Variants in GRM1 observed in about 807,000 individuals in gnomAD.
GRM1 encodes glutamate metabotropic receptor 1, also known as metabotropic glutamate receptor 1.
Under a neutral mutation model 90.9 loss-of-function variants are expected in GRM1, and 33 were observed. That is an observed-to-expected ratio of 0.36 (90% CI 0.28 to 0.49). The LOEUF (loss-of-function observed/expected upper bound fraction) is 0.49, where lower values mean the gene tolerates loss of function less well. GRM1 is among the 20% of genes least tolerant of loss of function. The pLI is 0.99. For synonymous variants in GRM1, 700 were observed against 613.2 expected, an observed-to-expected ratio of 1.14 and a Z score of -2.09; for missense variants, 1,190 against 1,534.3, an observed-to-expected ratio of 0.78 and a Z score of 3.75.
At chr6:146,357,870 G>A (rs1785650508) in intron 5 of GRM1, among the ~76,000 whole-genome samples, 176 bp downstream of exon 5, 1 of 152,202 alleles carries the variant, frequency 6.6e-6, no homozygotes, top group African/African-American at 2.4e-5. Context: ...AGGAAACAGA[G>A]TGAGTAAACT....
rs564428059 is a variant in GRM1, at chr6:146,357,623, A to C, written c.1531A>C (p.Lys511Gln). 6.2e-7 allele frequency: 1 copy of C among 1,614,092 alleles called. No homozygotes were observed. The highest frequency in any genetic ancestry group is 8.5e-7 in the Non-Finnish European group (1 of 1,179,924). The change falls in exon 5 of 8, where the codon AAA (lysine) becomes CAA (glutamine). Residue 511 changes from lysine to glutamine, a missense_variant. By Grantham distance (53) the Lys-to-Gln change is moderately conservative (BLOSUM62 1). Coordinates refer to ENST00000282753, the MANE Select transcript of GRM1 (RefSeq NM_001278064.2). ...HEGVLNIDDY[K>Q]IQMNKSGVVR... ...AGGAGTGCTGAACATTGATGATTAC[A>C]AAATCCAGATGAACAAGAGTGGAGT... is the stretch of plus-strand genomic sequence containing the variant.
intron 3 of GRM1, among the ~76,000 whole-genome samples, chr6:146,348,553 G>T (rs909629386): frequency 1.3e-5 from 2 of 152,214 alleles, no homozygotes; most frequent in Admixed American, 6.5e-5. Context: ...ACTCACTTCA[G>T]ATGGACACAA....
chr6:146,373,084 T>A (rs574019746), intron 5 of GRM1, among the ~76,000 whole-genome samples: 4 of 152,176 alleles, frequency 2.6e-5, no homozygotes, highest in Non-Finnish European at 5.9e-5. Context: ...TATTGGTTTA[T>A]TCTAATCAAT....
rs1777075628 is a variant in GRM1 at position 146,399,443 on chromosome 6, G to A, written c.2404G>A (p.Val802Met). 6.2e-7 allele frequency: 1 copy of A among 1,614,044 alleles called. No homozygotes were observed. Among genetic ancestry groups the A allele is most frequent in the Non-Finnish European group, 8.5e-7 (1 of 1,180,046 alleles). The change falls in exon 7 of 8, where the codon GTG becomes ATG. Residue 802 changes from valine (V) to methionine (M), a missense_variant. This residue lies in a region of GRM1 where 73 missense variants were observed against 150.6 expected (regional missense o/e 0.48). Transcript: ENST00000282753. This position sits in a 1 kb window ranked among gnomAD's most constrained non-coding sequence, Gnocchi z 5.4. ...CACCTGTATCATCTGGCTAGCTTTT[G>A]TGCCCATTTACTTTGGGAGCAACTA... ...YTTCIIWLAF[V>M]PIYFGSNYKI...
intron 3 of GRM1, among the ~76,000 whole-genome samples, chr6:146,312,600 C>T (rs1783816212): frequency 6.6e-6 from 1 of 152,066 alleles, no homozygotes; most frequent in Admixed American, 6.5e-5. Context: ...TTAGTGACTA[C>T]CATATTGGAC....
intron 7 of GRM1, among the ~76,000 whole-genome samples, chr6:146,409,878 G>T (rs1224807563): frequency 6.6e-6 from 1 of 152,164 alleles, no homozygotes; most frequent in East Asian, 1.9e-4. Flanking sequence ...GAGCCCCTAG[G>T]TGATGCTGCT....
At position 146,434,892 on chromosome 6, in the gene GRM1, G is replaced by A; in HGVS notation, c.*96G>A. ...CTGGGAGGAAAAGCCTGGGAGTGGG[G>A]GGCCTCGTCGGGAGGACAGGAGACC... On this transcript the variant is annotated 3_prime_UTR_variant, in exon 8 of 8. Transcript: ENST00000282753. 1.9e-6 allele frequency: 2 copies of A among 1,062,564 alleles called. No individual in the cohort carries two copies. The highest frequency in any genetic ancestry group is 2.6e-5 in the South Asian group (2 of 77,630). 65.8% of individuals were successfully genotyped at this position (1,062,564 alleles called of 1,614,324 possible). A position where few individuals can be genotyped will look rare whatever the true frequency, so the allele number is the denominator to read the frequency against.
intron 2 of GRM1, among the ~76,000 whole-genome samples, chr6:146,205,480 G>A (rs899463227): frequency 6.6e-6 from 1 of 152,066 alleles, no homozygotes; most frequent in African/African-American, 2.4e-5. Context: ...ATTCGAAAGG[G>A]TAAAGCAACG....
At chr6:146,179,741 T>A (rs1435920071) in intron 2 of GRM1, among the ~76,000 whole-genome samples, 1 of 152,152 alleles carries the variant, frequency 6.6e-6, no homozygotes, top group East Asian at 1.9e-4. Context: ...AGTCTCGATC[T>A]CCTGACCTTG....
intron 7 of GRM1, among the ~76,000 whole-genome samples, chr6:146,427,317 T>C (rs749871219): frequency 3.3e-5 from 5 of 152,216 alleles, no homozygotes; most frequent in Non-Finnish European, 5.9e-5. Flanking sequence ...CTTGACAGTG[T>C]CTTTTTAAGT....
chr6:146,185,074 C>T (rs112975274), intron 2 of GRM1, among the ~76,000 whole-genome samples: 271 of 152,280 alleles, frequency 1.8e-3, no homozygotes, highest in African/African-American at 6.1e-3. Flanking sequence ...ATACATTAAC[C>T]TCTTTAAAAA....
chr6:146,276,331 A>G (rs1465276340), intron 2 of GRM1, among the ~76,000 whole-genome samples: 1 of 152,188 alleles, frequency 6.6e-6, no homozygotes, highest in African/African-American at 2.4e-5. Context: ...AAAAGAGAAA[A>G]GAAATTATGG....
chr6:146,274,504 T>C (rs1404400504), intron 2 of GRM1, among the ~76,000 whole-genome samples: 1 of 152,184 alleles, frequency 6.6e-6, no homozygotes, highest in Admixed American at 6.5e-5. Context: ...GGACAAACTC[T>C]TGTCAATTTT....
intron 1 of GRM1, among the ~76,000 whole-genome samples, chr6:146,152,134 G>T (rs563326063): frequency 6.6e-6 from 1 of 152,050 alleles, no homozygotes; most frequent in East Asian, 1.9e-4. Flanking sequence ...ACATTACCAC[G>T]TTGCAATCTT....
intron 3 of GRM1, among the ~76,000 whole-genome samples, chr6:146,335,735 T>C (rs1181464711): frequency 6.6e-6 from 1 of 152,154 alleles, no homozygotes; most frequent in Admixed American, 6.5e-5. Flanking sequence ...AACAGATACA[T>C]TAAAAGAGTA....
At chr6:146,333,559 T>C (rs1379411290) in intron 3 of GRM1, among the ~76,000 whole-genome samples, 3 of 152,140 alleles carry the variant, frequency 2.0e-5, no homozygotes, top group Admixed American at 2.0e-4. Context: ...GAAATGACAG[T>C]TATATCTTAC....
At chr6:146,304,470 A>C (rs1783504287) in intron 2 of GRM1, 141 bp from the exon 3 acceptor site, 2 of 709,848 alleles carry the variant, frequency 2.8e-6, no homozygotes, top group Non-Finnish European at 5.1e-6. Context: ...CTCTCTACCA[A>C]AAAAAAAGTT....
At chr6:146,182,685 T>G (rs1471744509) in intron 2 of GRM1, among the ~76,000 whole-genome samples, 1 of 152,160 alleles carries the variant, frequency 6.6e-6, no homozygotes, top group African/African-American at 2.4e-5. Flanking sequence ...ACTGCAGATT[T>G]GAATACAAGT....
At chr6:146,174,091 A>G (rs1778246248) in intron 2 of GRM1, among the ~76,000 whole-genome samples, 1 of 152,086 alleles carries the variant, frequency 6.6e-6, no homozygotes, top group Non-Finnish European at 1.5e-5. Flanking sequence ...TCTCTAAGAG[A>G]TAAAAATTTC....
Sources: gnomAD v4.1 joint callset for allele counts (sites outside exome capture counted in the v4.1 genomes callset) on GRCh38, gnomAD v4.1.1 for gene constraint, gnomAD v4.1.1 regional missense constraint, Gnocchi (gnomAD v3.1) non-coding constraint, MANE v1.5 for transcripts, NCBI Gene and HGNC (gene_info 2026-07-23, HGNC 2026-07-21) for gene names.